VPS13B: variants seen among roughly 807,000 people sequenced by gnomAD.
VPS13B encodes the protein vacuolar protein sorting 13 homolog B, also known as intermembrane lipid transfer protein VPS13B.
A neutral mutation model predicts 426.4 loss-of-function variants in VPS13B; 285 were observed. The ratio of observed to expected loss-of-function variants is 0.67; its 90% CI spans 0.61 to 0.74. The LOEUF is 0.74. Among genes scored for constraint, VPS13B ranks in the 30% least tolerant of loss-of-function variants. The pLI is 0.00. For missense variants in VPS13B, 4,537 were observed against 4,782.6 expected (o/e 0.95, Z 1.51); for synonymous variants, 1,676 against 1,676.4 (o/e 1.00, Z 0.01).
At chr8:99,637,312 T>A (rs916541635) in intron 33 of VPS13B, among the ~76,000 whole-genome samples, 1 of 151,992 alleles carries the variant, frequency 6.6e-6, no homozygotes, top group Non-Finnish European at 1.5e-5. Context: ...TGTCTCAAAA[T>A]CATCAGCTTG....
In VPS13B at chr8:99,064,136, C is replaced by T. The variant is rs1397438741; in HGVS notation, c.291+25570C>T. On this transcript the variant is annotated intron_variant, in intron 3 of 61. Transcript: ENST00000357162. ...ATCAAAGACCAAAGGTAGATAAAAC[C>T]ACAAAGATGGGGAGAAACCAGAGCA... 2.0e-5 allele frequency among the ~76,000 whole-genome samples: 3 copies of T among 152,118 alleles called. No homozygotes were observed. The East Asian group carries it at 5.8e-4, about 29-fold the overall frequency.
chr8:99,109,519 A>G (rs1847248200), intron 5 of VPS13B, among the ~76,000 whole-genome samples: 1 of 151,250 alleles, frequency 6.6e-6, no homozygotes. Flanking sequence ...AGTAGCTGTG[A>G]TTTTCTGCAT....
chr8:99,600,186 GTT>G (rs1336141571), intron 33 of VPS13B, among the ~76,000 whole-genome samples: 1 of 152,110 alleles, frequency 6.6e-6, no homozygotes, highest in East Asian at 1.9e-4. Context: ...TAGTCTAAGT[GTT>G]TTATATAGGT....
At chr8:99,050,804 A>T (rs530212516) in intron 3 of VPS13B, among the ~76,000 whole-genome samples, 1 of 152,182 alleles carries the variant, frequency 6.6e-6, no homozygotes, top group East Asian at 1.9e-4. Context: ...GCAAGTTTTC[A>T]TGTGTCTTTT....
intron 17 of VPS13B, among the ~76,000 whole-genome samples, chr8:99,215,276 G>A (rs1177501232): frequency 6.6e-6 from 1 of 152,130 alleles, no homozygotes; most frequent in Non-Finnish European, 1.5e-5. Flanking sequence ...TACAAACTAG[G>A]AGATTAGTCT....
At chr8:99,773,430 A>T (rs1300408392) in intron 40 of VPS13B, among the ~76,000 whole-genome samples, 1 of 152,114 alleles carries the variant, frequency 6.6e-6, no homozygotes, top group African/African-American at 2.4e-5. Context: ...ATCTTTAGGG[A>T]TTGTGCCTAG....
chr8:99,222,326 G>A (rs1309678161), intron 17 of VPS13B, among the ~76,000 whole-genome samples: 1 of 151,982 alleles, frequency 6.6e-6, no homozygotes, highest in Admixed American at 6.6e-5. Context: ...TTTACTAACT[G>A]GTAGTATCTT....
At chr8:99,846,386 ATTCT>A (rs1815985250) in intron 54 of VPS13B, among the ~76,000 whole-genome samples, 1 of 152,224 alleles carries the variant, frequency 6.6e-6, no homozygotes, top group Non-Finnish European at 1.5e-5. Flanking sequence ...GCAGTGACTA[ATTCT>A]TTGTAGGCAC....
chr8:99,820,183 A>C (rs1257107527), intron 49 of VPS13B, 61 bp downstream of exon 49: 8 of 1,528,292 alleles, frequency 5.2e-6, no homozygotes, highest in Non-Finnish European at 7.2e-6. Flanking sequence ...TTTTATTGTA[A>C]AGTTGCGTTT....
chr8:99,691,821 A>C (rs1375482308), intron 35 of VPS13B, among the ~76,000 whole-genome samples: 54 of 140,738 alleles, frequency 3.8e-4, no homozygotes, highest in Admixed American at 6.8e-4. Flanking sequence ...AGACACACAT[A>C]GGCTCAAAAT....
chr8:99,426,072 C>A (rs948141151), intron 21 of VPS13B, among the ~76,000 whole-genome samples: 9 of 131,792 alleles, frequency 6.8e-5, no homozygotes, highest in Middle Eastern at 4.0e-3. Context: ...CTCCCCCCAC[C>A]CCACCACAGT....
intron 35 of VPS13B, 101 bp from the exon 36 acceptor site, chr8:99,699,424 T>A (rs1350456791): frequency 1.5e-6 from 2 of 1,295,820 alleles, no homozygotes; most frequent in South Asian, 1.3e-5. Flanking sequence ...GTCCATAATA[T>A]GGATCTTGGG....
intron 23 of VPS13B, among the ~76,000 whole-genome samples, chr8:99,443,831 G>A (rs1280210924): frequency 6.6e-6 from 1 of 151,996 alleles, no homozygotes; most frequent in Non-Finnish European, 1.5e-5. Flanking sequence ...TTAGCTATAT[G>A]CTGAGGAGTA....
chr8:99,544,692 AAAC>A (rs113708807), intron 30 of VPS13B, among the ~76,000 whole-genome samples: 64 of 151,722 alleles, frequency 4.2e-4, no homozygotes, highest in African/African-American at 1.3e-3. Context: ...ATGTGCTGCA[AAAC>A]AACAACAACA....
chr8:99,455,440 A>G (rs1283676083), intron 23 of VPS13B, among the ~76,000 whole-genome samples: 3 of 152,148 alleles, frequency 2.0e-5, no homozygotes, highest in Non-Finnish European at 2.9e-5. Flanking sequence ...AGCACTTCAC[A>G]TGGCTGGAGC....
chr8:99,280,303 G>A (rs1349265617), intron 19 of VPS13B, among the ~76,000 whole-genome samples: 1 of 152,008 alleles, frequency 6.6e-6, no homozygotes, highest in East Asian at 1.9e-4. Context: ...GAAGCCTTCT[G>A]TGACTCTGCC....
At chr8:99,196,345 T>C (rs1029095548) in intron 17 of VPS13B, among the ~76,000 whole-genome samples, 1 of 152,084 alleles carries the variant, frequency 6.6e-6, no homozygotes, top group Non-Finnish European at 1.5e-5. Context: ...TTTTGGATAG[T>C]TTTAGTTTTG....
intron 30 of VPS13B, among the ~76,000 whole-genome samples, chr8:99,524,327 T>C (rs1447993828): frequency 6.6e-6 from 1 of 152,162 alleles, no homozygotes; most frequent in East Asian, 1.9e-4. Context: ...CAAAGGGTTA[T>C]AATAGCAAAG....
intron 7 of VPS13B, among the ~76,000 whole-genome samples, chr8:99,117,903 A>T (rs931320578): frequency 2.0e-5 from 3 of 152,180 alleles, no homozygotes; most frequent in Admixed American, 1.3e-4. Flanking sequence ...ACTGAATTGT[A>T]CACCTTTAAA....
Sources: allele counts gnomAD v4.1 joint callset (sites outside exome capture counted in the v4.1 genomes callset), GRCh38; gene constraint gnomAD v4.1.1; transcripts MANE v1.5; gene names NCBI Gene and HGNC (gene_info 2026-07-23, HGNC 2026-07-21).